The following COL22A1 variants were observed in gnomAD, a reference collection of about 807,000 sequenced individuals.
The protein encoded by COL22A1 is collagen alpha-1(XXII) chain.
Under a neutral mutation model 248.9 loss-of-function variants are expected in COL22A1, and 221 were observed. The observed-to-expected ratio is 0.89, with a 90% CI of 0.80 to 0.99. The LOEUF (loss-of-function observed/expected upper bound fraction) is 0.99. Ranked by LOEUF, COL22A1 falls within the 50% of genes least tolerant of loss-of-function variation. COL22A1 has a pLI of 0.00. For missense variants in COL22A1, 2,240 were observed against 2,179.0 expected, an observed-to-expected ratio of 1.03 and a Z score of -0.56; for synonymous variants, 891 against 793.4, an observed-to-expected ratio of 1.12 and a Z score of -2.07.
At chr8:138,628,263 T>C (rs560352590) in intron 50 of COL22A1, among the ~76,000 whole-genome samples, 2 of 152,316 alleles carry the variant, frequency 1.3e-5, no homozygotes, top group African/African-American at 4.8e-5. Flanking sequence ...ATCTTTTTAT[T>C]ATAATTTTGC....
chr8:138,896,275 G>T (rs1825409075), intron 1 of COL22A1, among the ~76,000 whole-genome samples: 1 of 152,144 alleles, frequency 6.6e-6, no homozygotes, highest in Admixed American at 6.5e-5. Context: ...CTAAGCAAAA[G>T]TTATAGCATC....
intron 7 of COL22A1, 53 bp downstream of exon 7, chr8:138,821,083 G>C: frequency 6.3e-7 from 1 of 1,587,322 alleles, no homozygotes; most frequent in Non-Finnish European, 8.6e-7. Flanking sequence ...AGCTCCCAAG[G>C]CTTCTCCCCG....
intron 27 of COL22A1, among the ~76,000 whole-genome samples, chr8:138,719,171 A>G (rs932809738): frequency 5.3e-5 from 8 of 152,222 alleles, no homozygotes; most frequent in African/African-American, 1.9e-4. Flanking sequence ...CCAATCAATC[A>G]AACACTGAAA....
chr8:138,740,983 G>A (rs910311742), intron 22 of COL22A1, among the ~76,000 whole-genome samples: 1 of 152,186 alleles, frequency 6.6e-6, no homozygotes, highest in Non-Finnish European at 1.5e-5. Context: ...AACCTCTGCA[G>A]GCATCTGAGC....
chr8:138,903,360 G>A (rs1286545919), intron 1 of COL22A1, among the ~76,000 whole-genome samples: 2 of 152,224 alleles, frequency 1.3e-5, no homozygotes, highest in Admixed American at 6.5e-5. Context: ...GAAAGGGACA[G>A]TTCAGGACAG....
Position 138,739,003 on chromosome 8 carries a change from A to T in COL22A1, c.2086-1426T>A, listed in dbSNP as rs558788081. On this transcript the variant is annotated intron_variant, in intron 22 of 64. Coordinates refer to ENST00000303045, the MANE Select transcript of COL22A1 (RefSeq NM_152888.3). ...TAACATTGCCTTGGACCAGCGCACC[A>T]TTCTCTCTCCCCAGAACCACTGCAG... Among the ~76,000 whole-genome samples the T allele has an allele frequency of 1.7e-4, 26 of 152,228 alleles. No homozygotes were observed. In the South Asian group the frequency reaches 5.0e-3, roughly 29 times the overall value.
In COL22A1 at chr8:138,780,944, C is replaced by T. The variant is rs776118043; in HGVS notation, c.1633G>A (p.Gly545Ser). ...LGLPGPPGRDGSKGMRGEPGE... is the reference protein window; with the variant it reads ...LGLPGPPGRDSSKGMRGEPGE... ...GAACTTACTCTCATGCCTTTGCTGCCGTCTCTCCCAGGGGGGCCGGGCAGG... is the reference window on the plus strand; with the variant it reads ...GAACTTACTCTCATGCCTTTGCTGCTGTCTCTCCCAGGGGGGCCGGGCAGG... The change falls in exon 13 of 65, where the codon GGC becomes AGC. Residue 545 changes from glycine (G) to serine (S), a missense_variant. Transcript: ENST00000303045. 8.1e-6 allele frequency: 13 copies of T among 1,613,286 alleles called. No homozygotes were observed. Among genetic ancestry groups the T allele is most frequent in the African/African-American group, 2.7e-5 (2 of 74,886 alleles).
intron 40 of COL22A1, among the ~76,000 whole-genome samples, chr8:138,677,928 G>GA (rs1188668827): frequency 6.6e-6 from 1 of 152,198 alleles, no homozygotes; most frequent in Non-Finnish European, 1.5e-5. Flanking sequence ...AACAGCCTCA[G>GA]AAGCTTGTTA....
chr8:138,831,003 A>T (rs2131812471), intron 5 of COL22A1, among the ~76,000 whole-genome samples: 1 of 152,274 alleles, frequency 6.6e-6, no homozygotes, highest in Middle Eastern at 3.4e-3. Flanking sequence ...CTCTCTCAAG[A>T]GTTGGCTGAC....
chr8:138,654,738 T>C (rs1197825392), intron 45 of COL22A1, among the ~76,000 whole-genome samples: 6 of 152,188 alleles, frequency 3.9e-5, no homozygotes, highest in Non-Finnish European at 7.3e-5. Flanking sequence ...CCCCAGGTCC[T>C]TGGTCAGGCA....
intron 2 of COL22A1, 42 bp from the exon 3 acceptor site, chr8:138,878,358 T>C (rs1471707010): frequency 1.4e-6 from 2 of 1,444,956 alleles, no homozygotes; most frequent in African/African-American, 1.4e-5. Context: ...CAAATGGGCA[T>C]GGAAAGGACA....
At chr8:138,720,202 A>C (rs1258985547) in intron 27 of COL22A1, among the ~76,000 whole-genome samples, 1 of 151,912 alleles carries the variant, frequency 6.6e-6, no homozygotes, top group East Asian at 1.9e-4. Context: ...CTCACCACCC[A>C]CTGGAAGCTG....
At chr8:138,875,891 G>A (rs72731644) in intron 3 of COL22A1, among the ~76,000 whole-genome samples, 7,471 of 152,282 alleles carry the variant, frequency 0.049, 218 homozygotes, top group Non-Finnish European at 0.053. Context: ...CTCTAGGGTA[G>A]ATTACCTTCA....
intron 37 of COL22A1, among the ~76,000 whole-genome samples, chr8:138,687,313 T>G (rs1315467703): frequency 3.3e-5 from 5 of 152,268 alleles, no homozygotes; most frequent in Admixed American, 2.6e-4. Flanking sequence ...AGAGTCTTCA[T>G]AGATGTGTTG....
intron 3 of COL22A1, among the ~76,000 whole-genome samples, chr8:138,875,038 C>G (rs925376769): frequency 9.2e-5 from 14 of 152,132 alleles, no homozygotes; most frequent in African/African-American, 3.4e-4. Context: ...TTCACTGAAA[C>G]CCATTAACCA....
At chr8:138,905,416 G>A (rs534018937) in intron 1 of COL22A1, among the ~76,000 whole-genome samples, 22 of 152,296 alleles carry the variant, frequency 1.4e-4, no homozygotes, top group African/African-American at 5.3e-4. Flanking sequence ...CTTAGCTGAA[G>A]GAAAGGCCAG....
intron 3 of COL22A1, among the ~76,000 whole-genome samples, chr8:138,868,154 C>A (rs992343870): frequency 2.0e-5 from 3 of 152,180 alleles, no homozygotes; most frequent in Non-Finnish European, 4.4e-5. Context: ...TGCTTTTAGA[C>A]CTGAGTCCAC....
intron 3 of COL22A1, among the ~76,000 whole-genome samples, chr8:138,863,337 G>T (rs1021886981): frequency 6.6e-6 from 1 of 152,064 alleles, no homozygotes; most frequent in African/African-American, 2.4e-5. Flanking sequence ...TCTGTTGCTC[G>T]GTCAGAGTTC....
chr8:138,767,459 C>T (rs550245503), intron 16 of COL22A1, among the ~76,000 whole-genome samples: 1 of 152,108 alleles, frequency 6.6e-6, no homozygotes, highest in Non-Finnish European at 1.5e-5. Context: ...TCTGGGGCTC[C>T]AGTTCCCCAC....
Sources: gnomAD v4.1 joint callset for allele counts (sites outside exome capture counted in the v4.1 genomes callset) on GRCh38, gnomAD v4.1.1 for gene constraint, MANE v1.5 for transcripts, NCBI Gene and HGNC (gene_info 2026-07-23, HGNC 2026-07-21) for gene names.